The following DYNC1H1 variants were observed in gnomAD, a reference collection of about 807,000 sequenced individuals.
DYNC1H1 encodes cytoplasmic dynein 1 heavy chain 1.
In DYNC1H1, 51 loss-of-function variants were observed where a neutral mutation model predicts 527.1. The ratio of observed to expected loss-of-function variants is 0.10; its 90% CI spans 0.08 to 0.12. The LOEUF (loss-of-function observed/expected upper bound fraction) is 0.12. Among genes scored for constraint, DYNC1H1 ranks in the 10% least tolerant of loss-of-function variants. DYNC1H1 has a pLI of 1.00. For missense variants in DYNC1H1, 2,771 were observed against 5,971.8 expected (o/e 0.46, Z 17.66); for synonymous variants, 2,189 against 2,278.8 (o/e 0.96, Z 1.12).
intron 72 of DYNC1H1, 98 bp from the exon 73 acceptor site, chr14:102,047,719 C>T (rs2048745685): frequency 1.2e-5 from 18 of 1,483,232 alleles, no homozygotes; most frequent in South Asian, 4.6e-5. Context: ...TGTGGACTCA[C>T]TCACCATGTG....
chr14:102,046,032 G>T (rs949865991), intron 72 of DYNC1H1, among the ~76,000 whole-genome samples: 1 of 152,096 alleles, frequency 6.6e-6, no homozygotes, highest in Non-Finnish European at 1.5e-5. Flanking sequence ...GCCGGGTGTG[G>T]TGGCGGGCAC....
At chr14:101,969,961 G>A (rs2047712688) in intron 1 of DYNC1H1, among the ~76,000 whole-genome samples, 1 of 152,182 alleles carries the variant, frequency 6.6e-6, no homozygotes, top group African/African-American at 2.4e-5. Flanking sequence ...ACCCAGTTGG[G>A]AAAAGGATGT....
At chr14:102,014,023 A>G (rs2048291195) in intron 34 of DYNC1H1, among the ~76,000 whole-genome samples, 1 of 152,218 alleles carries the variant, frequency 6.6e-6, no homozygotes, top group Non-Finnish European at 1.5e-5. Context: ...GGAGCCAGCC[A>G]TGGATTCTTA....
At chr14:102,043,080 A>G (rs1595632442) in intron 69 of DYNC1H1, 1 of 368,154 alleles carries the variant, frequency 2.7e-6, no homozygotes, top group South Asian at 2.2e-5. Context: ...TCAGGAGTTC[A>G]AGACCAGCAT....
Position 102,001,913 on chromosome 14 carries a change from A to T in DYNC1H1, c.4542+232A>T, listed in dbSNP as rs2180509. 1.3e-5 allele frequency among the ~76,000 whole-genome samples: 2 copies of T among 151,866 alleles called. No individual in the cohort carries two copies. The highest frequency in any genetic ancestry group is 1.3e-4 in the Admixed American group (2 of 15,248). On this transcript the variant is annotated intron_variant, in intron 21 of 77. Coordinates refer to ENST00000360184, the MANE Select transcript of DYNC1H1 (RefSeq NM_001376.5). This position sits in a 1 kb window ranked among gnomAD's most constrained non-coding sequence, Gnocchi z 5.0. ...CCTCAGCCTCCAGGTAGCTGGGACC[A>T]CAGGCACATGCCACCATGCTGGGCT...
chr14:101,988,773 C>T lies in DYNC1H1; in HGVS notation c.2789C>T (p.Ala930Val), dbSNP rs767866683. The T allele has an allele frequency of 6.2e-7, 1 of 1,614,160 alleles. No homozygotes were observed. Among genetic ancestry groups the T allele is most frequent in the Non-Finnish European group, 8.5e-7 (1 of 1,180,040 alleles). ...TGGACGCAGGTTCTTCTTGGACAAGCTGAAGATAAAGCAGAAGTTGACATG... is the reference window on the plus strand; with the variant it reads ...TGGACGCAGGTTCTTCTTGGACAAGTTGAAGATAAAGCAGAAGTTGACATG... ...RAWTQVLLGQAEDKAEVDMDT... is the reference protein window; with the variant it reads ...RAWTQVLLGQVEDKAEVDMDT... Residue 930 changes from alanine to valine, a missense_variant, in exon 10 of 78, where the codon GCT becomes GTT. By Grantham distance (64) the Ala-to-Val change is moderately conservative (BLOSUM62 0). This residue lies in a region of DYNC1H1 where 179 missense variants were observed against 349.4 expected (regional missense o/e 0.51). Coordinates refer to ENST00000360184, the MANE Select transcript of DYNC1H1 (RefSeq NM_001376.5).
intron 1 of DYNC1H1, among the ~76,000 whole-genome samples, chr14:101,966,862 A>G (rs1474986121): frequency 6.6e-6 from 1 of 152,196 alleles, no homozygotes; most frequent in Non-Finnish European, 1.5e-5. Flanking sequence ...TACAATATCT[A>G]CTACAAATTC....
Position 102,005,277 on chromosome 14 carries a change from T to G in DYNC1H1, c.5433+41T>G. On this transcript the variant is annotated intron_variant, in intron 26 of 77. Transcript: ENST00000360184. This position sits in a 1 kb window ranked among gnomAD's most constrained non-coding sequence, Gnocchi z 4.0. ...GACTCCTTCCTTACCAGTTAGACTCTTACACCCTCAACCACACAGTTAAAT... is the reference window on the plus strand; with the variant it reads ...GACTCCTTCCTTACCAGTTAGACTCGTACACCCTCAACCACACAGTTAAAT... The G allele has an allele frequency of 8.9e-5, 142 of 1,603,120 alleles. No homozygotes were observed. Among genetic ancestry groups the G allele is most frequent in the Non-Finnish European group, 1.1e-4 (126 of 1,170,360 alleles).
In DYNC1H1 at chr14:102,033,604, G is replaced by A; in HGVS notation, c.10413+120G>A. On this transcript the variant is annotated intron_variant, in intron 54 of 77. Transcript: ENST00000360184. The surrounding 1 kb of genome is among the most constrained non-coding windows in gnomAD (Gnocchi z 5.6). ...TGAATTCGCTCTTTAACATCTGTAA[G>A]GCCCCGGAGGACTTTTTTCCTGGAA... 1 of 1,323,592 alleles carries A rather than the reference G, an allele frequency of 7.6e-7. No individual in the cohort carries two copies. 82.0% of individuals were successfully genotyped at this position (1,323,592 alleles called of 1,614,324 possible). A position where few individuals can be genotyped will look rare whatever the true frequency, so the allele number is the denominator to read the frequency against.
At chr14:101,988,584 A>G in intron 9 of DYNC1H1, 119 bp from the exon 10 acceptor site, 2 of 1,292,794 alleles carry the variant, frequency 1.5e-6, no homozygotes, top group South Asian at 2.5e-5. Context: ...AGAGATATGA[A>G]GGCTTCTAGT....
Position 102,034,484 on chromosome 14 carries a change from G to A in DYNC1H1, c.10754+32G>A, listed in dbSNP as rs1252938482. ...GCTCGGGTGCCAAGGAGAGGCATGG[G>A]AGGAATGTGGGTGGTGATCTTGAAT... On this transcript the variant is annotated intron_variant, in intron 56 of 77. Transcript: ENST00000360184. 2.5e-6 allele frequency: 4 copies of A among 1,612,074 alleles called. No homozygotes were observed. In the African/African-American group the frequency reaches 5.3e-5, roughly 22 times the overall value.
chr14:101,983,545 T>C lies in DYNC1H1; in HGVS notation c.1397T>C (p.Met466Thr). Residue 466 changes from methionine (M) to threonine (T), a missense_variant, in exon 7 of 78, where the codon ATG (methionine) becomes ACG (threonine). Met to Thr is a moderately conservative substitution (Grantham distance 81). Transcript: ENST00000360184. This position sits in a 1 kb window ranked among gnomAD's most constrained non-coding sequence, Gnocchi z 5.3. ...HRKLQARLDQ[M>T]RKFRRQHEQL... is the part of the protein sequence containing the mutation. The stretch of plus-strand genomic sequence containing the variant: ...AAGCTGCAGGCCCGCCTTGACCAGA[T>C]GAGAAAATTTAGACGCCAGCATGAA... 1 of 1,614,226 alleles carries C rather than the reference T, an allele frequency of 6.2e-7. No individual in the cohort carries two copies. The highest frequency in any genetic ancestry group is 8.5e-7 in the Non-Finnish European group (1 of 1,180,046).
Position 102,017,571 on chromosome 14 carries a change from GC to G in DYNC1H1, c.8177+69del. ...GCTCCAGGATTGCTGTAAACACAGCGCCACAAAAACCTGGTTTTGATAATAA... is the reference window on the plus strand; with the variant it reads ...GCTCCAGGATTGCTGTAAACACAGCGCACAAAAACCTGGTTTTGATAATAA... On this transcript the variant is annotated intron_variant, in intron 40 of 77. Coordinates refer to ENST00000360184, the MANE Select transcript of DYNC1H1 (RefSeq NM_001376.5). This position sits in a 1 kb window ranked among gnomAD's most constrained non-coding sequence, Gnocchi z 4.6. 6.2e-7 allele frequency: 1 copy of G among 1,613,622 alleles called. No homozygotes were observed.
Position 102,015,455 on chromosome 14 carries a change from C to A in DYNC1H1, c.7242+123C>A. ...GCCCAAGCAATCCACCTGCCTTGGC[C>A]TCTCAAAGTGCTGGGATTACAGGCA... is the stretch of plus-strand genomic sequence containing the variant. On this transcript the variant is annotated intron_variant, in intron 35 of 77. Transcript: ENST00000360184. The surrounding 1 kb of genome is among the most constrained non-coding windows in gnomAD (Gnocchi z 6.9). 8.6e-7 allele frequency: 1 copy of A among 1,161,516 alleles called. No individual in the cohort carries two copies. Among genetic ancestry groups the A allele is most frequent in the Middle Eastern group, 2.9e-4 (1 of 3,452 alleles). The allele number at this position is 1,161,516 out of a possible 1,614,324, so 72.0% of individuals were successfully genotyped here. A position where few individuals can be genotyped will look rare whatever the true frequency, so the allele number is the denominator to read the frequency against.
chr14:101,964,849 A>G lies in DYNC1H1; in HGVS notation c.158A>G (p.Glu53Gly). Reference protein sequence around the residue: ...EDGGEAPAALEAALEEKSALE... With the variant: ...EDGGEAPAALGAALEEKSALE... Reference sequence around the variant, plus strand: ...GGCGGCGAGGCGCCGGCCGCGCTGGAGGCGGCGCTGGAGGAGAAGAGCGCC... The same window carrying G: ...GGCGGCGAGGCGCCGGCCGCGCTGGGGGCGGCGCTGGAGGAGAAGAGCGCC... The change falls in exon 1 of 78, where the codon GAG (glutamate) becomes GGG (glycine). Residue 53 changes from glutamate (E) to glycine (G), a missense_variant. Coordinates refer to ENST00000360184, the MANE Select transcript of DYNC1H1 (RefSeq NM_001376.5). This position sits in a 1 kb window ranked among gnomAD's most constrained non-coding sequence, Gnocchi z 5.5. 1.3e-6 allele frequency: 2 copies of G among 1,598,798 alleles called. No homozygotes were observed. The highest frequency in any genetic ancestry group is 1.7e-6 in the Non-Finnish European group (2 of 1,173,600).
chr14:102,011,813 C>T lies in DYNC1H1; in HGVS notation c.6619-62C>T, dbSNP rs748296624. 18 of 1,538,116 alleles carry T rather than the reference C, an allele frequency of 1.2e-5. No individual in the cohort carries two copies. The highest frequency in any genetic ancestry group is 2.2e-5 in the South Asian group (2 of 89,350). ...CTCACTTTCACAAGAGGTGGCTGGG[C>T]GAGGAGCTGTCCCCATTCCTCCTCT... On this transcript the variant is annotated intron_variant, in intron 32 of 77. Transcript: ENST00000360184. The surrounding 1 kb of genome is among the most constrained non-coding windows in gnomAD (Gnocchi z 5.3).
rs1205487278 is a variant in DYNC1H1 at position 102,005,563 on chromosome 14, C to G, written c.5434-325C>G. Among the ~76,000 whole-genome samples the G allele has an allele frequency of 6.6e-6, 1 of 152,248 alleles. No homozygotes were observed. Among genetic ancestry groups the G allele is most frequent in the Non-Finnish European group, 1.5e-5 (1 of 68,042 alleles). On this transcript the variant is annotated intron_variant, in intron 26 of 77. Coordinates refer to ENST00000360184, the MANE Select transcript of DYNC1H1 (RefSeq NM_001376.5). The surrounding 1 kb of genome is among the most constrained non-coding windows in gnomAD (Gnocchi z 4.0). The stretch of plus-strand genomic sequence containing the variant: ...CACGGGCAGTGCTTGCTGCGAGCCC[C>G]ATGGCGGCACGTGGCAGACTCCTAG...
In DYNC1H1 at chr14:101,964,834, C is replaced by G. The variant is rs780018678; in HGVS notation, c.143C>G (p.Ala48Gly). The change falls in exon 1 of 78, where the codon GCG becomes GGG. Residue 48 changes from alanine to glycine, a missense_variant. Ala to Gly is a moderately conservative substitution (Grantham distance 60). Around this residue, in one of 32 missense-constraint regions of DYNC1H1, gnomAD observed 101 missense variants for 105.3 expected, o/e 0.96. Coordinates refer to ENST00000360184, the MANE Select transcript of DYNC1H1 (RefSeq NM_001376.5). This position sits in a 1 kb window ranked among gnomAD's most constrained non-coding sequence, Gnocchi z 5.5. ...CTGCTGCTGGAGGACGGCGGCGAGG[C>G]GCCGGCCGCGCTGGAGGCGGCGCTG... ...VPLLLEDGGE[A>G]PAALEAALEE... is the part of the protein sequence containing the mutation. The G allele has an allele frequency of 1.3e-6, 2 of 1,599,922 alleles. No homozygotes were observed. The highest frequency in any genetic ancestry group is 1.7e-6 in the Non-Finnish European group (2 of 1,174,332).
rs1172969665 is a variant in DYNC1H1 at position 102,010,636 on chromosome 14, C to T, written c.6406-104C>T. The T allele has an allele frequency of 3.3e-6, 5 of 1,537,796 alleles. No homozygotes were observed. The highest frequency in any genetic ancestry group is 4.5e-6 in the Non-Finnish European group (5 of 1,122,770). ...CACGAATGTGGGCGAGTGGTGCTCG[C>T]ACCCTTTGTTCACCAACAGTTACTG... On this transcript the variant is annotated intron_variant, in intron 31 of 77. Coordinates refer to ENST00000360184, the MANE Select transcript of DYNC1H1 (RefSeq NM_001376.5). This position sits in a 1 kb window ranked among gnomAD's most constrained non-coding sequence, Gnocchi z 6.0.
Sources: allele counts gnomAD v4.1 joint callset (sites outside exome capture counted in the v4.1 genomes callset), GRCh38; gene constraint gnomAD v4.1.1; regional missense constraint gnomAD v4.1.1; non-coding constraint Gnocchi (gnomAD v3.1); transcripts MANE v1.5; gene names NCBI Gene and HGNC (gene_info 2026-07-23, HGNC 2026-07-21).